SIK2: variants seen among roughly 807,000 people sequenced by gnomAD.
The protein encoded by SIK2 is salt inducible kinase 2, also known as serine/threonine-protein kinase SIK2.
Under a neutral mutation model 103.2 loss-of-function variants are expected in SIK2, and 29 were observed. That is an observed-to-expected ratio of 0.28 (90% CI 0.21 to 0.38). The LOEUF is 0.38. Among genes scored for constraint, SIK2 ranks in the 10% least tolerant of loss-of-function variants. SIK2 has a pLI of 1.00. For missense variants in SIK2, 879 were observed against 1,171.0 expected (o/e 0.75, Z 3.64); for synonymous variants, 412 against 446.1 (o/e 0.92, Z 0.96).
At chr11:111,712,116 T>C (rs1943512972) in intron 8 of SIK2, 95 bp from the exon 9 acceptor site, 1 of 1,253,060 alleles carries the variant, frequency 8.0e-7, no homozygotes, top group African/African-American at 1.5e-5. Context: ...CATTCTTTAA[T>C]TGCCACAGGA....
intron 3 of SIK2, among the ~76,000 whole-genome samples, chr11:111,628,691 C>T (rs1941998595): frequency 6.6e-6 from 1 of 151,980 alleles, no homozygotes; most frequent in South Asian, 2.1e-4. Context: ...CCTCCCAAAG[C>T]ACTGGATTAC....
At chr11:111,636,875 G>A (rs1942115007) in intron 3 of SIK2, among the ~76,000 whole-genome samples, 1 of 152,156 alleles carries the variant, frequency 6.6e-6, no homozygotes, top group African/African-American at 2.4e-5. Flanking sequence ...CTGATCCTTT[G>A]TTGTGAGTTA....
At chr11:111,622,486 C>T (rs1017013488) in intron 3 of SIK2, among the ~76,000 whole-genome samples, 71 of 151,902 alleles carry the variant, frequency 4.7e-4, no homozygotes, top group African/African-American at 1.6e-3. Flanking sequence ...GATCACCTGA[C>T]ATCGTGATCC....
chr11:111,633,762 T>A (rs1942069153), intron 3 of SIK2, among the ~76,000 whole-genome samples: 1 of 152,210 alleles, frequency 6.6e-6, no homozygotes, highest in South Asian at 2.1e-4. Flanking sequence ...GGGTAACTTG[T>A]TCTCCAGGAC....
chr11:111,699,307 C>T (rs1391278666), intron 4 of SIK2, among the ~76,000 whole-genome samples: 1 of 152,116 alleles, frequency 6.6e-6, no homozygotes, highest in Non-Finnish European at 1.5e-5. Context: ...CTTGAAGCTC[C>T]CTCTAAACTT....
At position 111,705,210 on chromosome 11, in the gene SIK2, TATACAC is replaced by T; in HGVS notation, c.1101+73_1101+78del. The T allele has an allele frequency of 7.0e-7, 1 of 1,423,792 alleles. No homozygotes were observed. The allele number at this position is 1,423,792 out of a possible 1,614,324, so 88.2% of individuals were successfully genotyped here. ...CACATGTTTGATACATTTTTCATCT[TATACAC>T]AGGGTTAGGATTTCATCCTCTACAC... On this transcript the variant is annotated intron_variant, in intron 8 of 14. Transcript: ENST00000304987. The surrounding 1 kb of genome is among the most constrained non-coding windows in gnomAD (Gnocchi z 4.3).
rs762115806 is a variant in SIK2, at chr11:111,723,667, CCT to C, written c.2320_2321del (p.Leu774GlufsTer76). The C allele has an allele frequency of 1.9e-6, 3 of 1,614,172 alleles. No individual in the cohort carries two copies. The highest frequency in any genetic ancestry group is 2.5e-6 in the Non-Finnish European group (3 of 1,180,042). ...QAPPFSLTQP[L>X]SPVLEPSSEQ... ...CCCCACCGTTCAGCCTGACCCAGCC[CCT>C]GAGCCCCGTCCTGGAGCCTTCCTCC... On this transcript the variant is annotated frameshift_variant, in exon 15 of 15. Transcript: ENST00000304987. LOFTEE classifies it high-confidence loss of function.
Position 111,705,196 on chromosome 11 carries a change from T to C in SIK2, c.1101+57T>C, listed in dbSNP as rs1034057775. On this transcript the variant is annotated intron_variant, in intron 8 of 14. Coordinates refer to ENST00000304987, the MANE Select transcript of SIK2 (RefSeq NM_015191.3). The surrounding 1 kb of genome is among the most constrained non-coding windows in gnomAD (Gnocchi z 4.3). Reference sequence around the variant, plus strand: ...TGCATGTGCCTGTTCACATGTTTGATACATTTTTCATCTTATACACAGGGT... The same window carrying C: ...TGCATGTGCCTGTTCACATGTTTGACACATTTTTCATCTTATACACAGGGT... 10 of 1,456,618 alleles carry C rather than the reference T, an allele frequency of 6.9e-6. No homozygotes were observed. Among genetic ancestry groups the C allele is most frequent in the African/African-American group, 4.4e-5 (3 of 67,514 alleles). 90.2% of individuals were successfully genotyped at this position (1,456,618 alleles called of 1,614,324 possible). A position where few individuals can be genotyped will look rare whatever the true frequency, so the allele number is the denominator to read the frequency against.
At chr11:111,607,725 C>A (rs986570194) in intron 1 of SIK2, among the ~76,000 whole-genome samples, 4 of 152,056 alleles carry the variant, frequency 2.6e-5, no homozygotes, top group Non-Finnish European at 5.9e-5. Flanking sequence ...GTTTTTGGCA[C>A]CCCAGACAAA....
At chr11:111,669,646 A>G (rs1017108427) in intron 3 of SIK2, among the ~76,000 whole-genome samples, 4 of 152,052 alleles carry the variant, frequency 2.6e-5, no homozygotes, top group African/African-American at 9.6e-5. Context: ...AAAAAATACT[A>G]ATAGACTGAG....
rs201271483 is a variant in SIK2, at chr11:111,701,532, G to A, written c.684G>A (p.Arg228=). Reference sequence around the variant, plus strand: ...CGACTCTTCCAATTTTGAGGCAGAGGGTTCTGGAAGGAAGATTCCGGATTC... The same window carrying A: ...CGACTCTTCCAATTTTGAGGCAGAGAGTTCTGGAAGGAAGATTCCGGATTC... ...DGPTLPILRQ[R]VLEGRFRIPY... Residue 228 remains arginine, a synonymous_variant, in exon 6 of 15, where the codon AGG becomes AGA. Coordinates refer to ENST00000304987, the MANE Select transcript of SIK2 (RefSeq NM_015191.3). This position sits in a 1 kb window ranked among gnomAD's most constrained non-coding sequence, Gnocchi z 4.2. The A allele has an allele frequency of 1.9e-6, 3 of 1,613,724 alleles. No homozygotes were observed. Among genetic ancestry groups the A allele is most frequent in the African/African-American group, 2.7e-5 (2 of 74,864 alleles).
intron 3 of SIK2, among the ~76,000 whole-genome samples, chr11:111,686,038 T>C (rs767678126): frequency 6.6e-6 from 1 of 152,152 alleles, no homozygotes; most frequent in Non-Finnish European, 1.5e-5. Flanking sequence ...ATCTATAAAA[T>C]GGGAATTGAG....
chr11:111,672,203 C>T, intron 3 of SIK2: 2 of 400,042 alleles, frequency 5.0e-6, no homozygotes, highest in Non-Finnish European at 9.4e-6. Flanking sequence ...GTGATGCCCC[C>T]CCATACCACT....
chr11:111,664,203 C>A (rs1490455612), intron 3 of SIK2, among the ~76,000 whole-genome samples: 2 of 152,162 alleles, frequency 1.3e-5, no homozygotes, highest in African/African-American at 2.4e-5. Flanking sequence ...TTCTATGGAA[C>A]AATTTTTGGA....
Position 111,674,184 on chromosome 11 carries a change from T to A in SIK2, c.317-13817T>A, listed in dbSNP as rs1296377670. Among the ~76,000 whole-genome samples, 3 of 152,016 alleles carry A rather than the reference T, an allele frequency of 2.0e-5. No individual in the cohort carries two copies. The East Asian group carries it at 5.8e-4, about 29-fold the overall frequency. On this transcript the variant is annotated intron_variant, in intron 3 of 14. Coordinates refer to ENST00000304987, the MANE Select transcript of SIK2 (RefSeq NM_015191.3). ...CCCAGGAGCTGAGAACAGAGCCCAGTGTTTTTAACGTTAGTCCATGTTGTT... is the reference window on the plus strand; with the variant it reads ...CCCAGGAGCTGAGAACAGAGCCCAGAGTTTTTAACGTTAGTCCATGTTGTT...
intron 3 of SIK2, among the ~76,000 whole-genome samples, chr11:111,648,224 A>C (rs991243430): frequency 2.0e-5 from 3 of 152,212 alleles, no homozygotes; most frequent in Non-Finnish European, 4.4e-5. Flanking sequence ...ACTATTTACT[A>C]TTTAAAGCAG....
At chr11:111,694,003 T>G (rs1943010908) in intron 4 of SIK2, among the ~76,000 whole-genome samples, 1 of 152,216 alleles carries the variant, frequency 6.6e-6, no homozygotes, top group Non-Finnish European at 1.5e-5. Context: ...GTGATAAAAG[T>G]TCATATCTCA....
chr11:111,623,725 T>C (rs747623275), intron 3 of SIK2, among the ~76,000 whole-genome samples: 2 of 152,234 alleles, frequency 1.3e-5, no homozygotes, highest in Non-Finnish European at 2.9e-5. Context: ...GCCTCTCAGA[T>C]GGTTTTTTCT....
intron 1 of SIK2, among the ~76,000 whole-genome samples, chr11:111,607,514 C>T (rs1346774049): frequency 6.6e-6 from 1 of 152,126 alleles, no homozygotes; most frequent in Non-Finnish European, 1.5e-5. Context: ...AGACTCCTTT[C>T]AGTAGTCTTG....
Sources: gnomAD v4.1 joint callset for allele counts (sites outside exome capture counted in the v4.1 genomes callset) on GRCh38, gnomAD v4.1.1 for gene constraint, Gnocchi (gnomAD v3.1) non-coding constraint, MANE v1.5 for transcripts, NCBI Gene and HGNC (gene_info 2026-07-23, HGNC 2026-07-21) for gene names.